The following EPB41 variants were observed in gnomAD, a reference collection of about 807,000 sequenced individuals.
The protein encoded by EPB41 is erythrocyte membrane protein band 4.1.
EPB41 carries 65 observed loss-of-function variants against 108.0 expected under a neutral mutation model. The observed-to-expected ratio is 0.60, with a 90% confidence interval of 0.49 to 0.74. The LOEUF (loss-of-function observed/expected upper bound fraction) is 0.74. EPB41 is among the 30% of genes least tolerant of loss of function. The pLI is 0.00. For synonymous variants in EPB41, 336 were observed against 358.9 expected (o/e 0.94, Z 0.72); for missense variants, 875 against 1,037.0 (o/e 0.84, Z 2.15).
At chr1:28,994,218 C>T (rs1292212580) in intron 3 of EPB41, among the ~76,000 whole-genome samples, 1 of 151,962 alleles carries the variant, frequency 6.6e-6, no homozygotes, top group Non-Finnish European at 1.5e-5. Flanking sequence ...GTCGTCCAGG[C>T]TGGAGTGCAG....
chr1:28,888,169 C>G (rs1450465506), intron 1 of EPB41, among the ~76,000 whole-genome samples: 1 of 152,220 alleles, frequency 6.6e-6, no homozygotes, highest in Non-Finnish European at 1.5e-5. Flanking sequence ...AACGGACGAC[C>G]CCTTCTCCGC....
chr1:29,098,026 A>G, intron 17 of EPB41, 91 bp downstream of exon 17: 1 of 1,572,306 alleles, frequency 6.4e-7, no homozygotes, highest in East Asian at 2.3e-5. Context: ...ATCGCCAAGA[A>G]TACCAGGTTT....
intron 1 of EPB41, among the ~76,000 whole-genome samples, chr1:28,952,880 C>T (rs902412925): frequency 6.6e-6 from 1 of 152,122 alleles, no homozygotes; most frequent in Non-Finnish European, 1.5e-5. Flanking sequence ...TAAGCGCTCA[C>T]CACCACGCCC....
chr1:29,039,363 G>A lies in EPB41; in HGVS notation c.1573G>A (p.Asp525Asn). ...AQTRQASALI[D>N]RPAPHFERTA... ...GACCAGGCAAGCTAGTGCTCTAATT[G>A]ACAGGCCTGCCCCACACTTCGAGCG... Residue 525 changes from aspartate (D) to asparagine (N), a missense_variant, in exon 11 of 21, where the codon GAC (aspartate) becomes AAC (asparagine). Physicochemically the swap from Asp to Asn is conservative, Grantham distance 23. Transcript: ENST00000343067. The A allele has an allele frequency of 1.2e-6, 2 of 1,614,158 alleles. No homozygotes were observed. The highest frequency in any genetic ancestry group is 1.7e-6 in the Non-Finnish European group (2 of 1,180,038).
chr1:28,957,603 C>T lies in EPB41; in HGVS notation c.-7-29828C>T, dbSNP rs536204079. On this transcript the variant is annotated intron_variant, in intron 1 of 20. Coordinates refer to ENST00000343067, the MANE Select transcript of EPB41 (RefSeq NM_001376013.1). The stretch of plus-strand genomic sequence containing the variant: ...TATTTTTAGTAGAGACGAGGTTTCA[C>T]TATATTGGTCAGGCCTGTCCCAAAC... Among the ~76,000 whole-genome samples the T allele has an allele frequency of 9.9e-5, 15 of 152,264 alleles. 1 individual carries two copies. The South Asian group carries it at 2.7e-3, about 27-fold the overall frequency.
chr1:29,044,960 C>G (rs1433860013), intron 11 of EPB41, among the ~76,000 whole-genome samples: 1 of 152,220 alleles, frequency 6.6e-6, no homozygotes, highest in East Asian at 1.9e-4. Flanking sequence ...TCTGGTCTCT[C>G]TAATCTCTTG....
chr1:29,096,099 C>A, intron 16 of EPB41: 2 of 950,668 alleles, frequency 2.1e-6, no homozygotes, highest in Non-Finnish European at 2.5e-6. Context: ...TCTCAGAGTT[C>A]ATTCTCCCAC....
intron 1 of EPB41, among the ~76,000 whole-genome samples, chr1:28,921,551 A>C (rs2093071049): frequency 6.6e-6 from 1 of 152,104 alleles, no homozygotes; most frequent in African/African-American, 2.4e-5. Flanking sequence ...AGCTTAAAGT[A>C]AAGGCTTTAA....
At position 29,117,513 on chromosome 1, in the gene EPB41, A is replaced by C. The variant is rs1030825657; in HGVS notation, c.*701A>C. 1 of 152,616 alleles carries C rather than the reference A, an allele frequency of 6.6e-6. No homozygotes were observed. Among genetic ancestry groups the C allele is most frequent in the African/African-American group, 2.4e-5 (1 of 41,436 alleles). 9.5% of individuals were successfully genotyped at this position (152,616 alleles called of 1,614,324 possible). A position where few individuals can be genotyped will look rare whatever the true frequency, so the allele number is the denominator to read the frequency against. The stretch of plus-strand genomic sequence containing the variant: ...ACATGGAAGTTGCTTCAGATATCTG[A>C]TACTGTGAATGTTTGAACATATCCG... On this transcript the variant is annotated 3_prime_UTR_variant, in exon 21 of 21. Transcript: ENST00000343067.
chr1:29,064,134 G>A (rs996054080), intron 15 of EPB41, among the ~76,000 whole-genome samples: 5 of 152,042 alleles, frequency 3.3e-5, no homozygotes, highest in Admixed American at 6.6e-5. Context: ...AATTGTCAAG[G>A]AGATATATAA....
intron 19 of EPB41, among the ~76,000 whole-genome samples, chr1:29,113,200 T>C (rs866548184): frequency 1.3e-5 from 2 of 152,216 alleles, no homozygotes; most frequent in African/African-American, 4.8e-5. Flanking sequence ...AGGATTAATG[T>C]TCCCAGTTCT....
At position 28,946,319 on chromosome 1, in the gene EPB41, G is replaced by T. The variant is rs188924576; in HGVS notation, c.-8+31551G>T. 1.2e-3 allele frequency among the ~76,000 whole-genome samples: 183 copies of T among 152,112 alleles called. 1 individual carries two copies. Among genetic ancestry groups the T allele is most frequent in the African/African-American group, 4.2e-3 (173 of 41,494 alleles). ...TAAAGGGGTTTCACCGTGTTGGCCA[G>T]GATGGTCTTGATCTCCTGACCTCGT... On this transcript the variant is annotated intron_variant, in intron 1 of 20. Transcript: ENST00000343067.
At chr1:28,987,374 C>T in intron 1 of EPB41, 57 bp from the exon 2 acceptor site, 1 of 1,489,146 alleles carries the variant, frequency 6.7e-7, no homozygotes. Context: ...TAGGGTTTTG[C>T]CAACAGTAAT....
intron 1 of EPB41, among the ~76,000 whole-genome samples, chr1:28,980,537 C>G (rs1342003637): frequency 6.6e-6 from 1 of 151,356 alleles, no homozygotes; most frequent in African/African-American, 2.4e-5. Flanking sequence ...TGGTGAAACT[C>G]CATCTTTAAA....
At chr1:28,918,088 A>G (rs1570536564) in intron 1 of EPB41, among the ~76,000 whole-genome samples, 1 of 152,182 alleles carries the variant, frequency 6.6e-6, no homozygotes, top group South Asian at 2.1e-4. Flanking sequence ...TGTAGACCAC[A>G]GTCTGTTTCC....
chr1:29,062,234 G>A (rs1646686560), intron 15 of EPB41, among the ~76,000 whole-genome samples: 3 of 152,166 alleles, frequency 2.0e-5, no homozygotes. Context: ...CCTTTATTTG[G>A]CAGTGTAACA....
Position 29,058,570 on chromosome 1 carries a change from T to C in EPB41, c.1846-19T>C, listed in dbSNP as rs746169927. ...TACTAACCTAAAATGTTTTTACTAC[T>C]TTTATTTCTTAAATGTAGGTGGAAA... On this transcript the variant is annotated intron_variant, in intron 12 of 20. Coordinates refer to ENST00000343067, the MANE Select transcript of EPB41 (RefSeq NM_001376013.1). 6.2e-7 allele frequency: 1 copy of C among 1,608,848 alleles called. No homozygotes were observed. Among genetic ancestry groups the C allele is most frequent in the East Asian group, 2.2e-5 (1 of 44,798 alleles).
chr1:28,937,684 C>T (rs558702022), intron 1 of EPB41, among the ~76,000 whole-genome samples: 94 of 152,260 alleles, frequency 6.2e-4, no homozygotes, highest in Non-Finnish European at 1.2e-3. Flanking sequence ...TGAGCCACCG[C>T]GCCTGGCCAT....
chr1:29,038,057 T>C (rs910872317), intron 10 of EPB41, among the ~76,000 whole-genome samples: 12 of 152,206 alleles, frequency 7.9e-5, no homozygotes, highest in African/African-American at 2.7e-4. Flanking sequence ...CTTGATTCTT[T>C]AAGAGAAAGA....
Sources: allele counts gnomAD v4.1 joint callset (sites outside exome capture counted in the v4.1 genomes callset), GRCh38; gene constraint gnomAD v4.1.1; transcripts MANE v1.5; gene names NCBI Gene and HGNC (gene_info 2026-07-23, HGNC 2026-07-21).